UBE2S: variants seen among roughly 807,000 people sequenced by gnomAD.
UBE2S encodes ubiquitin-conjugating enzyme E2 S.
Under a neutral mutation model 12.3 loss-of-function variants are expected in UBE2S, and 3 were observed. That is an observed-to-expected ratio of 0.24 (90% CI 0.11 to 0.63). The LOEUF (loss-of-function observed/expected upper bound fraction) is 0.63, where lower values mean the gene tolerates loss of function less well. Ranked by LOEUF, UBE2S falls within the 30% of genes least tolerant of loss-of-function variation. The pLI is 0.85. For missense variants in UBE2S, 211 were observed against 313.9 expected (o/e 0.67, Z 2.48); for synonymous variants, 133 against 142.0 (o/e 0.94, Z 0.45).
chr19:55,401,894 T>G, intron 3 of UBE2S, 132 bp from the exon 4 acceptor site: 1 of 889,648 alleles, frequency 1.1e-6, no homozygotes, highest in South Asian at 1.6e-5. Flanking sequence ...GCCCCACCTA[T>G]GCTGCATCCT....
intron 1 of UBE2S, 137 bp from the exon 2 acceptor site, chr19:55,407,099 C>T: frequency 1.8e-6 from 2 of 1,091,864 alleles, no homozygotes; most frequent in South Asian, 3.7e-5. Context: ...CAGACCCTCA[C>T]CCAGGATGCT....
At position 55,403,332 on chromosome 19, in the gene UBE2S, T is replaced by C. The variant is rs1455087308; in HGVS notation, c.342+956A>G. ...ACCCCATCTCTGCAAACCATAAAAA[T>C]ATAAAAACTAGCTGGGTATGGTGGT... On this transcript the variant is annotated intron_variant, in intron 3 of 3. Transcript: ENST00000264552. The C allele has an allele frequency of 5.7e-6, 3 of 524,460 alleles. No individual in the cohort carries two copies. In the African/African-American group the frequency reaches 5.8e-5, roughly 10 times the overall value. The allele number at this position is 524,460 out of a possible 1,614,324, so 32.5% of individuals were successfully genotyped here.
In UBE2S at chr19:55,403,741, TA is replaced by T. The variant is rs1244219961; in HGVS notation, c.342+546del. The stretch of plus-strand genomic sequence containing the variant: ...CCCATTCCTGTTTTATTTTTTATCT[TA>T]TTTTTTTTTTTTTTTTGAGATAGAG... On this transcript the variant is annotated intron_variant, in intron 3 of 3. Coordinates refer to ENST00000264552, the MANE Select transcript of UBE2S (RefSeq NM_014501.3). 3.3e-4 allele frequency among the ~76,000 whole-genome samples: 27 copies of T among 82,004 alleles called. No homozygotes were observed. The South Asian group carries it at 7.6e-3, about 23-fold the overall frequency. The allele number at this position is 82,004 out of a possible 152,430, so 53.8% of individuals were successfully genotyped here.
At position 55,406,840 on chromosome 19, in the gene UBE2S, G is replaced by A. The variant is rs545350796; in HGVS notation, c.126C>T (p.Asp42=). ...KVFPNEEDLT[D]LQVTIEGPEG... ...CAGGGCCCTCGATGGTGACCTGGAG[G>A]TCGGTGAGGTCCTCCTCGTTGGGAA... is the stretch of plus-strand genomic sequence containing the variant. Residue 42 remains aspartate, a synonymous_variant, in exon 2 of 4, where the codon GAC becomes GAT. Coordinates refer to ENST00000264552, the MANE Select transcript of UBE2S (RefSeq NM_014501.3). 3.1e-6 allele frequency: 5 copies of A among 1,613,314 alleles called. No homozygotes were observed. The African/African-American group carries it at 4.0e-5, about 13-fold the overall frequency.
chr19:55,400,840 C>T lies in UBE2S; in HGVS notation c.*596G>A, dbSNP rs2090051730. ...GGCTTTGCTGCCCACAAGGGAAAAACCAATCTTTAGCACAAAGCAGGATCA... is the reference window on the plus strand; with the variant it reads ...GGCTTTGCTGCCCACAAGGGAAAAATCAATCTTTAGCACAAAGCAGGATCA... On this transcript the variant is annotated 3_prime_UTR_variant, in exon 4 of 4. Transcript: ENST00000264552. 1.3e-5 allele frequency: 2 copies of T among 152,918 alleles called. No homozygotes were observed. The highest frequency in any genetic ancestry group is 2.9e-5 in the Non-Finnish European group (2 of 68,588). 9.5% of individuals were successfully genotyped at this position (152,918 alleles called of 1,614,324 possible).
rs981084125 is a variant in UBE2S, at chr19:55,404,985, T to G, written c.152-507A>C. On this transcript the variant is annotated intron_variant, in intron 2 of 3. Coordinates refer to ENST00000264552, the MANE Select transcript of UBE2S (RefSeq NM_014501.3). The surrounding 1 kb of genome is among the most constrained non-coding windows in gnomAD (Gnocchi z 4.4). Reference sequence around the variant, plus strand: ...CAGCACTTTGGGAGGCTAAGGCGGGTGGATCACCTGAGGTCAGGAGTTCAA... The same window carrying G: ...CAGCACTTTGGGAGGCTAAGGCGGGGGGATCACCTGAGGTCAGGAGTTCAA... 2.8e-4 allele frequency among the ~76,000 whole-genome samples: 41 copies of G among 143,950 alleles called. No homozygotes were observed. The highest frequency in any genetic ancestry group is 6.0e-4 in the Non-Finnish European group (39 of 65,534). The allele number at this position is 143,950 out of a possible 152,430, so 94.4% of individuals were successfully genotyped here.
chr19:55,405,264 C>G (rs1237572365), intron 2 of UBE2S, among the ~76,000 whole-genome samples: 3 of 149,310 alleles, frequency 2.0e-5, no homozygotes, highest in Non-Finnish European at 4.4e-5. Flanking sequence ...AATCCCAGCA[C>G]TTTGGGAGGC....
At chr19:55,403,358 G>A (rs2090074899) in intron 3 of UBE2S, 3 of 486,584 alleles carry the variant, frequency 6.2e-6, no homozygotes, top group South Asian at 2.9e-5. Flanking sequence ...GTATGGTGGT[G>A]CATGCGTGTA....
rs542690647 is a variant in UBE2S at position 55,404,950 on chromosome 19, C to T, written c.152-472G>A. On this transcript the variant is annotated intron_variant, in intron 2 of 3. Transcript: ENST00000264552. This position sits in a 1 kb window ranked among gnomAD's most constrained non-coding sequence, Gnocchi z 4.4. ...AAGAGGCCAGGTGTGGTGGCTCACG[C>T]CTGTAATCCCAGCACTTTGGGAGGC... is the stretch of plus-strand genomic sequence containing the variant. Among the ~76,000 whole-genome samples, 1 of 151,974 alleles carries T rather than the reference C, an allele frequency of 6.6e-6. No homozygotes were observed. The highest frequency in any genetic ancestry group is 1.5e-5 in the Non-Finnish European group (1 of 67,974).
intron 2 of UBE2S, among the ~76,000 whole-genome samples, chr19:55,405,165 G>A (rs951261665): frequency 3.4e-5 from 5 of 146,178 alleles, no homozygotes; most frequent in East Asian, 2.0e-4. Flanking sequence ...TGCGGAGATC[G>A]CGCCACTGCA....
chr19:55,403,271 T>C (rs574951250), intron 3 of UBE2S: 19 of 574,062 alleles, frequency 3.3e-5, no homozygotes, highest in Admixed American at 2.5e-4. Context: ...TTTTACGGCA[T>C]GTAAGCTCAG....
Position 55,404,272 on chromosome 19 carries a change from C to A in UBE2S, c.342+16G>T, listed in dbSNP as rs777774720. 1 of 1,612,506 alleles carries A rather than the reference C, an allele frequency of 6.2e-7. No individual in the cohort carries two copies. Among genetic ancestry groups the A allele is most frequent in the Non-Finnish European group, 8.5e-7 (1 of 1,179,838 alleles). ...GAGGCAGGAGGCAGGAGGCCCAGCC[C>A]CAGCCCAGAACTCACCAGCAGTACG... is the stretch of plus-strand genomic sequence containing the variant. On this transcript the variant is annotated intron_variant, in intron 3 of 3. Transcript: ENST00000264552. This position sits in a 1 kb window ranked among gnomAD's most constrained non-coding sequence, Gnocchi z 4.4.
rs567853643 is a variant in UBE2S, at chr19:55,401,159, A to G, written c.*277T>C. 55 of 506,822 alleles carry G rather than the reference A, an allele frequency of 1.1e-4. No homozygotes were observed. Among genetic ancestry groups the G allele is most frequent in the Non-Finnish European group, 1.4e-4 (39 of 287,206 alleles). The allele number at this position is 506,822 out of a possible 1,614,324, so 31.4% of individuals were successfully genotyped here. A position where few individuals can be genotyped will look rare whatever the true frequency, so the allele number is the denominator to read the frequency against. ...CCTCAAACAGCAAGGCTGGTGAGCT[A>G]GATGGACCCACTGCTGCAGTCCATG... On this transcript the variant is annotated 3_prime_UTR_variant, in exon 4 of 4. Transcript: ENST00000264552.
chr19:55,407,555 CCA>C, intron 1 of UBE2S, 30 bp downstream of exon 1: 1 of 1,521,432 alleles, frequency 6.6e-7, no homozygotes, highest in South Asian at 1.2e-5. Context: ...ACACCCCCGA[CCA>C]CCTTCATGGG....
intron 1 of UBE2S, among the ~76,000 whole-genome samples, chr19:55,407,202 C>G (rs1000480276): frequency 2.1e-4 from 31 of 150,710 alleles, no homozygotes; most frequent in African/African-American, 7.1e-4. Flanking sequence ...AGAACCCCCC[C>G]CCCAAAGCCC....
At chr19:55,403,207 T>C in intron 3 of UBE2S, 1 of 642,424 alleles carries the variant, frequency 1.6e-6, no homozygotes, top group South Asian at 1.7e-5. Flanking sequence ...AAACACTGGT[T>C]TATGAACCCT....
At position 55,404,481 on chromosome 19, in the gene UBE2S, G is replaced by A; in HGVS notation, c.152-3C>T. On this transcript the variant is annotated splice_region_variant and splice_polypyrimidine_tract_variant and intron_variant, in intron 2 of 3. Coordinates refer to ENST00000264552, the MANE Select transcript of UBE2S (RefSeq NM_014501.3). The surrounding 1 kb of genome is among the most constrained non-coding windows in gnomAD (Gnocchi z 4.4). ...ACCTCCAGCATATGGGGTCCCCTCTGGAGTGGAGGGAGGGGTACAGGGTCA... is the reference window on the plus strand; with the variant it reads ...ACCTCCAGCATATGGGGTCCCCTCTAGAGTGGAGGGAGGGGTACAGGGTCA... 1 of 1,600,498 alleles carries A rather than the reference G, an allele frequency of 6.2e-7. No homozygotes were observed. Among genetic ancestry groups the A allele is most frequent in the Non-Finnish European group, 8.5e-7 (1 of 1,172,646 alleles).
rs777348559 is a variant in UBE2S, at chr19:55,406,834, C to T, written c.132G>A (p.Gln44=). Residue 44 remains glutamine (Q), a synonymous_variant, in exon 2 of 4, where the codon CAG becomes CAA. Coordinates refer to ENST00000264552, the MANE Select transcript of UBE2S (RefSeq NM_014501.3). The part of the protein sequence containing the change: ...FPNEEDLTDL[Q]VTIEGPEGTP... ...ACTCACCAGGGCCCTCGATGGTGACCTGGAGGTCGGTGAGGTCCTCCTCGT... is the reference window on the plus strand; with the variant it reads ...ACTCACCAGGGCCCTCGATGGTGACTTGGAGGTCGGTGAGGTCCTCCTCGT... 16 of 1,613,038 alleles carry T rather than the reference C, an allele frequency of 9.9e-6. No homozygotes were observed. In the South Asian group the frequency reaches 1.6e-4, roughly 17 times the overall value.
chr19:55,403,739 CTTAT>C (rs1164328913), intron 3 of UBE2S, among the ~76,000 whole-genome samples: 1 of 105,578 alleles, frequency 9.5e-6, no homozygotes, highest in Non-Finnish European at 1.8e-5. Context: ...TATTTTTTAT[CTTAT>C]TTTTTTTTTT....
Sources: gnomAD v4.1 joint callset for allele counts (sites outside exome capture counted in the v4.1 genomes callset) on GRCh38, gnomAD v4.1.1 for gene constraint, Gnocchi (gnomAD v3.1) non-coding constraint, MANE v1.5 for transcripts, NCBI Gene and HGNC (gene_info 2026-07-23, HGNC 2026-07-21) for gene names.